The following TACC3 variants were observed in gnomAD, a reference collection of about 807,000 sequenced individuals.
TACC3 encodes transforming acidic coiled-coil containing protein 3.
Under a neutral mutation model 86.0 loss-of-function variants are expected in TACC3, and 52 were observed. That is an observed-to-expected ratio of 0.60 (90% CI 0.48 to 0.76). The LOEUF (loss-of-function observed/expected upper bound fraction) is 0.76, where lower values mean the gene tolerates loss of function less well. Ranked by LOEUF, TACC3 falls within the 30% of genes least tolerant of loss-of-function variation. TACC3 has a pLI of 0.00. For missense variants in TACC3, 1,120 were observed against 1,070.4 expected (o/e 1.05, Z -0.65); for synonymous variants, 512 against 430.0 (o/e 1.19, Z -2.36).
At chr4:1,730,264 T>A (rs917951922) in intron 4 of TACC3, 1 of 183,996 alleles carries the variant, frequency 5.4e-6, no homozygotes, top group Non-Finnish European at 1.2e-5. Flanking sequence ...ATGGTCTAGA[T>A]ATGACCTCGT....
At position 1,731,186 on chromosome 4, in the gene TACC3, C is replaced by T. The variant is rs1717990666; in HGVS notation, c.1476C>T (p.Asn492=). The change falls in exon 6 of 16, where the codon AAC becomes AAT. Residue 492 remains asparagine (N), a synonymous_variant. Coordinates refer to ENST00000313288, the MANE Select transcript of TACC3 (RefSeq NM_006342.3). ...CTTTCCTCCAGGAGAGAGCCTTGAACTCTGCCAGCACCTCGCTTCCCACAA... is the reference window on the plus strand; with the variant it reads ...CTTTCCTCCAGGAGAGAGCCTTGAATTCTGCCAGCACCTCGCTTCCCACAA... The part of the protein sequence containing the change: ...PTAESKERAL[N]SASTSLPTSC... 4 of 1,613,240 alleles carry T rather than the reference C, an allele frequency of 2.5e-6. No homozygotes were observed. Among genetic ancestry groups the T allele is most frequent in the South Asian group, 2.2e-5 (2 of 91,096 alleles).
Position 1,745,002 on chromosome 4 carries a change from GAGA to G in TACC3, c.2510_2512del (p.Lys837del), listed in dbSNP as rs759378203. ...CTGCGACGACCTCATCTCCAAGATG[GAGA>G]AGATCTGACCTCCACGGAGCCGCTG... On this transcript the variant is annotated inframe_deletion, in exon 16 of 16. Coordinates refer to ENST00000313288, the MANE Select transcript of TACC3 (RefSeq NM_006342.3). 48 of 1,608,362 alleles carry G rather than the reference GAGA, an allele frequency of 3.0e-5. No homozygotes were observed. In the South Asian group the frequency reaches 3.9e-4, roughly 13 times the overall value.
At chr4:1,725,458 T>C (rs1717639588) in intron 3 of TACC3, among the ~76,000 whole-genome samples, 1 of 152,170 alleles carries the variant, frequency 6.6e-6, no homozygotes, top group Non-Finnish European at 1.5e-5. Context: ...TTTGCCCCTT[T>C]TGAAATTTGG....
At chr4:1,733,017 G>C (rs927521539) in intron 6 of TACC3, among the ~76,000 whole-genome samples, 1 of 152,204 alleles carries the variant, frequency 6.6e-6, no homozygotes, top group Non-Finnish European at 1.5e-5. Context: ...TGGCCTTCCA[G>C]AGTGGCTGCA....
At chr4:1,720,937 CCCGGCCGCCCGCGGGGCA>C, upstream of TACC3, 1 of 1,051,784 alleles carries the variant, frequency 9.5e-7, no homozygotes, top group Non-Finnish European at 1.2e-6. This position sits in a 1 kb window ranked among gnomAD's most constrained non-coding sequence, Gnocchi z 4.4. Flanking sequence ...GCGGCCGCCG[CCCGGCCGCCCGCGGGGCA>C]CTCTAGGACA....
Position 1,738,183 on chromosome 4 carries a change from G to C in TACC3, c.1941+481G>C, listed in dbSNP as rs376320749. The C allele has an allele frequency of 1.3e-5, 4 of 304,520 alleles. 1 individual carries two copies. The highest frequency in any genetic ancestry group is 9.1e-5 in the East Asian group (1 of 10,960). The allele number at this position is 304,520 out of a possible 1,614,324, so 18.9% of individuals were successfully genotyped here. A position where few individuals can be genotyped will look rare whatever the true frequency, so the allele number is the denominator to read the frequency against. On this transcript the variant is annotated intron_variant, in intron 10 of 15. Transcript: ENST00000313288. Reference sequence around the variant, plus strand: ...CCTGTTCTAACTCCGGGCCTAAATTGTCCCTAAGAGAGCTGTAGGCACACA... The same window carrying C: ...CCTGTTCTAACTCCGGGCCTAAATTCTCCCTAAGAGAGCTGTAGGCACACA...
At chr4:1,736,745 C>T (rs926345599) in intron 8 of TACC3, among the ~76,000 whole-genome samples, 4 of 152,170 alleles carry the variant, frequency 2.6e-5, no homozygotes, top group Admixed American at 2.0e-4. Flanking sequence ...CCCATCTCTA[C>T]TAAAAATAAC....
chr4:1,730,108 G>C (rs187963699), intron 4 of TACC3, among the ~76,000 whole-genome samples: 1 of 152,294 alleles, frequency 6.6e-6, no homozygotes, highest in East Asian at 1.9e-4. Context: ...GCGTGATCTC[G>C]CCTCACTGCG....
Position 1,727,988 on chromosome 4 carries a change from A to G in TACC3, c.586A>G (p.Thr196Ala), listed in dbSNP as rs751604873. 6.2e-7 allele frequency: 1 copy of G among 1,613,040 alleles called. No individual in the cohort carries two copies. The highest frequency in any genetic ancestry group is 1.1e-5 in the South Asian group (1 of 91,090). Reference protein sequence around the residue: ...LSSYSLDRRVTPASETLEDPC... With the variant: ...LSSYSLDRRVAPASETLEDPC... ...TTCCTATTCCTTAGACAGAAGAGTGACACCCGCCTCTGAGACCCTAGAAGA... is the reference window on the plus strand; with the variant it reads ...TTCCTATTCCTTAGACAGAAGAGTGGCACCCGCCTCTGAGACCCTAGAAGA... The change falls in exon 4 of 16, where the codon ACA (threonine) becomes GCA (alanine). Residue 196 changes from threonine (T) to alanine (A), a missense_variant. Transcript: ENST00000313288.
At chr4:1,728,919 C>G (rs1717862237) in intron 4 of TACC3, 132 bp downstream of exon 4, 1 of 936,754 alleles carries the variant, frequency 1.1e-6, no homozygotes, top group Non-Finnish European at 1.6e-6. Flanking sequence ...GAGGAGGGGC[C>G]TCTGGATAAA....
At chr4:1,726,208 G>A (rs988187171) in intron 3 of TACC3, among the ~76,000 whole-genome samples, 2 of 152,154 alleles carry the variant, frequency 1.3e-5, no homozygotes, top group African/African-American at 4.8e-5. Context: ...TGGGTCCCTG[G>A]GAAGGTGTTC....
Position 1,730,919 on chromosome 4 carries a change from C to T in TACC3, c.1418C>T (p.Pro473Leu), listed in dbSNP as rs548957841. 3 of 1,613,400 alleles carry T rather than the reference C, an allele frequency of 1.9e-6. No individual in the cohort carries two copies. Among genetic ancestry groups the T allele is most frequent in the South Asian group, 2.2e-5 (2 of 91,084 alleles). ...QLHSASAEDTPVVQLAAETPT... is the reference protein window; with the variant it reads ...QLHSASAEDTLVVQLAAETPT... Reference sequence around the variant, plus strand: ...CATTCAGCCTCAGCGGAGGACACGCCTGTGGTGCAGTTGGCAGCCGAGACC... The same window carrying T: ...CATTCAGCCTCAGCGGAGGACACGCTTGTGGTGCAGTTGGCAGCCGAGACC... Residue 473 changes from proline to leucine, a missense_variant, in exon 5 of 16, where the codon CCT (proline) becomes CTT (leucine). Coordinates refer to ENST00000313288, the MANE Select transcript of TACC3 (RefSeq NM_006342.3).
At chr4:1,720,882 G>A (rs1160111935), upstream of TACC3, 1 of 1,531,138 alleles carries the variant, frequency 6.5e-7, no homozygotes, top group South Asian at 1.2e-5. This position sits in a 1 kb window ranked among gnomAD's most constrained non-coding sequence, Gnocchi z 4.4. Context: ...CCGCCCCGGC[G>A]CGCGGACGAG....
chr4:1,730,708 G>A (rs1717961840), intron 4 of TACC3, 179 bp from the exon 5 acceptor site: 6 of 765,088 alleles, frequency 7.8e-6, no homozygotes, highest in African/African-American at 1.7e-5. Flanking sequence ...GGTGAGGTTG[G>A]TGAGGCAGTT....
intron 8 of TACC3, among the ~76,000 whole-genome samples, chr4:1,736,443 AAAC>A (rs1718269879): frequency 2.6e-5 from 4 of 151,558 alleles, no homozygotes; most frequent in Admixed American, 2.0e-4. Context: ...AAAAAAAAAA[AAAC>A]CAAAAAATAG....
intron 1 of TACC3, 30 bp from the exon 2 acceptor site, chr4:1,723,391 C>G: frequency 6.2e-7 from 1 of 1,604,424 alleles, no homozygotes; most frequent in Non-Finnish European, 8.5e-7. Flanking sequence ...GTTGCCCTCA[C>G]ACTGACACAA....
At chr4:1,739,886 G>GTCCCCA (rs775634957) in intron 11 of TACC3, 73 bp from the exon 12 acceptor site, 49 of 1,441,612 alleles carry the variant, frequency 3.4e-5, no homozygotes, top group Non-Finnish European at 4.3e-5. Context: ...CCCTGTCCCC[G>GTCCCCA]TCCCCATCCC....
chr4:1,737,466 C>A, intron 9 of TACC3, 132 bp from the exon 10 acceptor site: 2 of 1,105,862 alleles, frequency 1.8e-6, no homozygotes, highest in East Asian at 2.5e-5. Flanking sequence ...GCTGTTCCCT[C>A]GCCGCACTGT....
chr4:1,722,582 C>T (rs550278052), intron 1 of TACC3, among the ~76,000 whole-genome samples: 2 of 152,316 alleles, frequency 1.3e-5, no homozygotes, highest in Admixed American at 6.5e-5. Context: ...TCTCCAGGAC[C>T]CTCCCCAACT....
Sources: allele counts gnomAD v4.1 joint callset (sites outside exome capture counted in the v4.1 genomes callset), GRCh38; gene constraint gnomAD v4.1.1; non-coding constraint Gnocchi (gnomAD v3.1); transcripts MANE v1.5; gene names NCBI Gene and HGNC (gene_info 2026-07-23, HGNC 2026-07-21).